Variants in NSL1 observed in about 807,000 individuals in gnomAD.
NSL1 encodes kinetochore-associated protein NSL1 homolog.
NSL1 carries 11 observed loss-of-function variants against 25.4 expected under a neutral mutation model. The observed-to-expected ratio is 0.43, with a 90% CI of 0.27 to 0.72. The LOEUF (loss-of-function observed/expected upper bound fraction) is 0.72. Among genes scored for constraint, NSL1 ranks in the 30% least tolerant of loss-of-function variants. The pLI is 0.19. For missense variants in NSL1, 330 were observed against 342.7 expected, an observed-to-expected ratio of 0.96 and a Z score of 0.29; for synonymous variants, 118 against 120.6, an observed-to-expected ratio of 0.98 and a Z score of 0.14.
intron 4 of NSL1, among the ~76,000 whole-genome samples, chr1:212,764,622 T>C (rs952010220): frequency 1.3e-5 from 2 of 151,778 alleles, no homozygotes; most frequent in Non-Finnish European, 2.9e-5. Flanking sequence ...AAGGCAGGCA[T>C]ATCACTTGAG....
chr1:212,785,391 G>A (rs1270292928), intron 2 of NSL1, among the ~76,000 whole-genome samples: 1 of 151,930 alleles, frequency 6.6e-6, no homozygotes, highest in East Asian at 1.9e-4. Flanking sequence ...TACACAATGT[G>A]CAGGTGTGTT....
rs529632180 is a variant in NSL1 at position 212,744,165 on chromosome 1, G to GCCTGGCTGAGAGCTGAAGGC, written c.500-4584_500-4565dup. ...GGGAAGGCAAAGGCCGTTATGAACTGCCTGGCTGAGAGCTGAAGGCATATC... is the reference window on the plus strand; with the variant it reads ...GGGAAGGCAAAGGCCGTTATGAACTGCCTGGCTGAGAGCTGAAGGCCCTGGCTGAGAGCTGAAGGCATATC... On this transcript the variant is annotated intron_variant, in intron 4 of 5. Coordinates refer to ENST00000366977, the MANE Select transcript of NSL1 (RefSeq NM_015471.4). Among the ~76,000 whole-genome samples the GCCTGGCTGAGAGCTGAAGGC allele has an allele frequency of 3.8e-4, 58 of 152,332 alleles. No homozygotes were observed. The East Asian group carries it at 9.6e-3, about 25-fold the overall frequency.
At chr1:212,787,774 T>C in intron 1 of NSL1, 137 bp from the exon 2 acceptor site, 1 of 486,842 alleles carries the variant, frequency 2.1e-6, no homozygotes, top group South Asian at 4.2e-5. Context: ...ATATCTATTC[T>C]TTTCAATGAA....
intron 4 of NSL1, among the ~76,000 whole-genome samples, chr1:212,751,299 A>G (rs1051635154): frequency 1.3e-5 from 2 of 152,296 alleles, no homozygotes; most frequent in Admixed American, 6.5e-5. Context: ...TTCTCAATCA[A>G]TCTTATGCAA....
At chr1:212,748,678 T>C (rs1658918854) in intron 4 of NSL1, among the ~76,000 whole-genome samples, 1 of 152,164 alleles carries the variant, frequency 6.6e-6, no homozygotes, top group Non-Finnish European at 1.5e-5. Context: ...GTCAGAATAG[T>C]GGTTATACCT....
rs755807985 is a variant in NSL1 at position 212,729,045 on chromosome 1, T to G, written c.*9363A>C. The G allele has an allele frequency of 3.1e-5, 31 of 985,316 alleles. No homozygotes were observed. Among genetic ancestry groups the G allele is most frequent in the Non-Finnish European group, 3.4e-5 (28 of 829,920 alleles). 61.0% of individuals were successfully genotyped at this position (985,316 alleles called of 1,614,324 possible). A position where few individuals can be genotyped will look rare whatever the true frequency, so the allele number is the denominator to read the frequency against. On this transcript the variant is annotated 3_prime_UTR_variant, in exon 6 of 6. Transcript: ENST00000366977. ...TCTGAAATTTTTTTTAAAGGAAGAA[T>G]ACTTGGGTTGGGCTTACAAGAAAAA...
At chr1:212,745,096 A>G (rs1658697817) in intron 4 of NSL1, among the ~76,000 whole-genome samples, 1 of 141,576 alleles carries the variant, frequency 7.1e-6, no homozygotes, top group Non-Finnish European at 1.6e-5. Flanking sequence ...AGATTGTGCC[A>G]CTGCACTCCA....
Position 212,732,782 on chromosome 1 carries a change from G to A in NSL1, c.*5626C>T. ...AACCCCCAAACGGGATGCCTTGGAG[G>A]TAATTTTTTTTGACGCTTTGCATAT... On this transcript the variant is annotated 3_prime_UTR_variant, in exon 6 of 6. Transcript: ENST00000366977. The A allele has an allele frequency of 3.2e-6, 1 of 314,258 alleles. No homozygotes were observed. The highest frequency in any genetic ancestry group is 4.6e-6 in the Non-Finnish European group (1 of 216,682). The allele number at this position is 314,258 out of a possible 1,614,324, so 19.5% of individuals were successfully genotyped here. A position where few individuals can be genotyped will look rare whatever the true frequency, so the allele number is the denominator to read the frequency against.
rs184058860 is a variant in NSL1 at position 212,789,047 on chromosome 1, T to C, written c.235-1410A>G. Among the ~76,000 whole-genome samples the C allele has an allele frequency of 1.3e-4, 20 of 152,310 alleles. 1 individual carries two copies. The highest frequency in any genetic ancestry group is 1.3e-3 in the Admixed American group (20 of 15,294). On this transcript the variant is annotated intron_variant, in intron 1 of 5. Transcript: ENST00000366977. Reference sequence around the variant, plus strand: ...GATGGGGAAGGGGAACTCAAAGAATTTTGCTTTATGCTACTGTTTGAATTT... The same window carrying C: ...GATGGGGAAGGGGAACTCAAAGAATCTTGCTTTATGCTACTGTTTGAATTT...
At chr1:212,775,734 A>G (rs1660330956) in intron 4 of NSL1, among the ~76,000 whole-genome samples, 1 of 152,230 alleles carries the variant, frequency 6.6e-6, no homozygotes, top group Admixed American at 6.5e-5. Flanking sequence ...AAAAGGTATA[A>G]AATTCAAGAA....
intron 4 of NSL1, among the ~76,000 whole-genome samples, chr1:212,747,599 C>T (rs1353149870): frequency 6.6e-6 from 1 of 152,178 alleles, no homozygotes; most frequent in East Asian, 1.9e-4. Context: ...AGATTAATGA[C>T]CCTCAGAAAC....
chr1:212,775,677 A>G (rs1660328761), intron 4 of NSL1, among the ~76,000 whole-genome samples: 1 of 152,144 alleles, frequency 6.6e-6, no homozygotes, highest in Non-Finnish European at 1.5e-5. Context: ...CAGACTTTTA[A>G]AGTATCTACA....
At position 212,784,395 on chromosome 1, in the gene NSL1, T is replaced by C; in HGVS notation, c.412A>G (p.Ile138Val). 3 of 1,589,688 alleles carry C rather than the reference T, an allele frequency of 1.9e-6. No individual in the cohort carries two copies. Among genetic ancestry groups the C allele is most frequent in the South Asian group, 1.2e-5 (1 of 86,610 alleles). ...TCTTGTTTTGCTTTTATGGTTTTGA[T>C]GACACATTCCAGGATCTTTCTGGGA... is the stretch of plus-strand genomic sequence containing the variant. Reference protein sequence around the residue: ...QYPRKILECVIKTIKAKQEIL... With the variant: ...QYPRKILECVVKTIKAKQEIL... Residue 138 changes from isoleucine (I) to valine (V), a missense_variant, in exon 3 of 6, where the codon ATC (isoleucine) becomes GTC (valine). Transcript: ENST00000366977.
chr1:212,761,228 A>G (rs1182920565), intron 4 of NSL1, among the ~76,000 whole-genome samples: 1 of 152,216 alleles, frequency 6.6e-6, no homozygotes, highest in Admixed American at 6.5e-5. Context: ...CAACTATGAT[A>G]ATTCTCCAGC....
At chr1:212,765,638 T>C (rs553282506) in intron 4 of NSL1, among the ~76,000 whole-genome samples, 14 of 151,722 alleles carry the variant, frequency 9.2e-5, no homozygotes, top group African/African-American at 3.4e-4. Context: ...CTGGTCAATA[T>C]GGTGAAACCC....
rs1348944297 is a variant in NSL1 at position 212,782,437 on chromosome 1, C to A, written c.445-11G>T. On this transcript the variant is annotated splice_polypyrimidine_tract_variant and intron_variant, in intron 3 of 5. Coordinates refer to ENST00000366977, the MANE Select transcript of NSL1 (RefSeq NM_015471.4). ...AGGGTGGTACTGCTTCTAAACATAA[C>A]ATAAATTAAAACAGATTTAATCACT... is the stretch of plus-strand genomic sequence containing the variant. 6 of 1,590,166 alleles carry A rather than the reference C, an allele frequency of 3.8e-6. No homozygotes were observed. Among genetic ancestry groups the A allele is most frequent in the Non-Finnish European group, 5.2e-6 (6 of 1,158,618 alleles).
At chr1:212,766,150 A>AC (rs1659803519) in intron 4 of NSL1, 1 of 546,512 alleles carries the variant, frequency 1.8e-6, no homozygotes, top group Non-Finnish European at 3.2e-6. Flanking sequence ...AAAAAAAAAC[A>AC]AAAAAACCCT....
intron 4 of NSL1, among the ~76,000 whole-genome samples, chr1:212,754,254 C>T (rs1030744562): frequency 2.0e-5 from 3 of 151,912 alleles, no homozygotes; most frequent in African/African-American, 7.3e-5. Flanking sequence ...AAAGCATATA[C>T]AAAATAAAAC....
At chr1:212,774,188 G>A (rs1487370644) in intron 4 of NSL1, among the ~76,000 whole-genome samples, 5 of 152,068 alleles carry the variant, frequency 3.3e-5, no homozygotes, top group African/African-American at 1.2e-4. Flanking sequence ...GCACAGTAAG[G>A]TGACAATGAT....
Sources: gnomAD v4.1 joint callset for allele counts (sites outside exome capture counted in the v4.1 genomes callset) on GRCh38, gnomAD v4.1.1 for gene constraint, MANE v1.5 for transcripts, NCBI Gene and HGNC (gene_info 2026-07-23, HGNC 2026-07-21) for gene names.